ADGRB1: variants seen among roughly 807,000 people sequenced by gnomAD.
ADGRB1 encodes the protein brain-specific angiogenesis inhibitor 1.
In ADGRB1, 36 loss-of-function variants were observed where a neutral mutation model predicts 175.7. The observed-to-expected ratio is 0.20, with a 90% confidence interval of 0.16 to 0.27. ADGRB1 has a LOEUF of 0.27. ADGRB1 is among the 10% of genes least tolerant of loss of function. The pLI is 1.00. For missense variants in ADGRB1, 1,731 were observed against 2,255.3 expected (o/e 0.77, Z 4.71); for synonymous variants, 1,054 against 979.4 (o/e 1.08, Z -1.42).
In ADGRB1 at chr8:142,542,102, G is replaced by A. The variant is rs896494834; in HGVS notation, c.3868G>A (p.Gly1290Ser). 7 of 1,613,282 alleles carry A rather than the reference G, an allele frequency of 4.3e-6. No homozygotes were observed. Among genetic ancestry groups the A allele is most frequent in the Non-Finnish European group, 5.9e-6 (7 of 1,179,836 alleles). ...PANVSKLHLHGSPRYPGGPLP... is the reference protein window; with the variant it reads ...PANVSKLHLHSSPRYPGGPLP... ...CAACGTGTCCAAGCTGCACCTGCAC[G>A]GCTCACCCCGCTATCCCGGCGGGCC... The change falls in exon 28 of 31, where the codon GGC (glycine) becomes AGC (serine). Residue 1290 changes from glycine to serine, a missense_variant. By Grantham distance (56) the Gly-to-Ser change is moderately conservative. Around this residue, in one of 8 missense-constraint regions of ADGRB1, gnomAD observed 394 missense variants for 410.2 expected, o/e 0.96. Coordinates refer to ENST00000517894, the MANE Select transcript of ADGRB1 (RefSeq NM_001702.3). The surrounding 1 kb of genome is among the most constrained non-coding windows in gnomAD (Gnocchi z 6.3).
At chr8:142,457,257 G>A (rs1052924310) in intron 1 of ADGRB1, among the ~76,000 whole-genome samples, 1 of 152,206 alleles carries the variant, frequency 6.6e-6, no homozygotes, top group African/African-American at 2.4e-5. Context: ...CTGTATCCAC[G>A]TCTGGGGAAC....
chr8:142,504,289 G>T lies in ADGRB1; in HGVS notation c.2676-6643G>T, dbSNP rs35760050. 6.6e-6 allele frequency among the ~76,000 whole-genome samples: 1 copy of T among 152,144 alleles called. No individual in the cohort carries two copies. The highest frequency in any genetic ancestry group is 2.4e-5 in the African/African-American group (1 of 41,432). On this transcript the variant is annotated intron_variant, in intron 17 of 30. Coordinates refer to ENST00000517894, the MANE Select transcript of ADGRB1 (RefSeq NM_001702.3). This position sits in a 1 kb window ranked among gnomAD's most constrained non-coding sequence, Gnocchi z 5.6. ...GGCAGTGGCTCCAGGAGCCCTGGAG[G>T]GGGAGGCTAATCACACAGGATGCGG...
At chr8:142,485,213 C>T (rs1047355316) in intron 13 of ADGRB1, among the ~76,000 whole-genome samples, 2 of 152,316 alleles carry the variant, frequency 1.3e-5, no homozygotes, top group Non-Finnish European at 2.9e-5. Context: ...GAGATGATAA[C>T]GGTGCCCATC....
rs929141669 is a variant in ADGRB1 at position 142,533,012 on chromosome 8, C to T, written c.3399-283C>T. ...CTGGGACCTCAGTGTTGACGGTGGG[C>T]TCCTCCCCAGCCTGGGGCAAGGGCT... On this transcript the variant is annotated intron_variant, in intron 24 of 30. Coordinates refer to ENST00000517894, the MANE Select transcript of ADGRB1 (RefSeq NM_001702.3). Among the ~76,000 whole-genome samples, 11 of 152,110 alleles carry T rather than the reference C, an allele frequency of 7.2e-5. No homozygotes were observed. The East Asian group carries it at 1.9e-3, about 27-fold the overall frequency.
rs559977107 is a variant in ADGRB1, at chr8:142,529,554, A to G, written c.3398+2927A>G. 4.2e-4 allele frequency among the ~76,000 whole-genome samples: 64 copies of G among 151,818 alleles called. 2 individuals are homozygous for G. Among genetic ancestry groups the G allele is most frequent in the Admixed American group, 4.0e-3 (61 of 15,264 alleles). On this transcript the variant is annotated intron_variant, in intron 24 of 30. Transcript: ENST00000517894. ...CCTTGATGTGTGCAAGCATGCATCTATGTGTGTGAGTGCAACCCACTGTGC... is the reference window on the plus strand; with the variant it reads ...CCTTGATGTGTGCAAGCATGCATCTGTGTGTGTGAGTGCAACCCACTGTGC...
At chr8:142,480,966 G>A (rs757355367) in intron 9 of ADGRB1, among the ~76,000 whole-genome samples, 2 of 119,394 alleles carry the variant, frequency 1.7e-5, no homozygotes, top group Non-Finnish European at 3.7e-5. Context: ...GGTCATGGCT[G>A]AACTCTGAAG....
rs1311836334 is a variant in ADGRB1 at position 142,465,042 on chromosome 8, A to AGACAGGGGAGGCGGGCG, written c.784+63_784+79dup. On this transcript the variant is annotated intron_variant, in intron 2 of 30. Coordinates refer to ENST00000517894, the MANE Select transcript of ADGRB1 (RefSeq NM_001702.3). ...AGGTGGGCAGACAGGGGAGGCGGGCAGACAGGGGAGGCGGGCGGATGGGGG... is the reference window on the plus strand; with the variant it reads ...AGGTGGGCAGACAGGGGAGGCGGGCAGACAGGGGAGGCGGGCGGACAGGGGAGGCGGGCGGATGGGGG... 2.4e-5 allele frequency: 16 copies of AGACAGGGGAGGCGGGCG among 657,602 alleles called. No homozygotes were observed. In the African/African-American group the frequency reaches 3.9e-4, roughly 16 times the overall value. The allele number at this position is 657,602 out of a possible 1,614,324, so 40.7% of individuals were successfully genotyped here. A position where few individuals can be genotyped will look rare whatever the true frequency, so the allele number is the denominator to read the frequency against.
In ADGRB1 at chr8:142,484,650, C is replaced by G; in HGVS notation, c.2200-6C>G. ...TCCCTCGGCTGCTCACCCCCCTGCC[C>G]TCCAGGCGGGCCCCAACGCCAAGGA... On this transcript the variant is annotated splice_polypyrimidine_tract_variant and splice_region_variant and intron_variant, in intron 12 of 30. Transcript: ENST00000517894. The G allele has an allele frequency of 1.2e-6, 2 of 1,606,460 alleles. No individual in the cohort carries two copies. The highest frequency in any genetic ancestry group is 2.7e-5 in the African/African-American group (2 of 74,972).
In ADGRB1 at chr8:142,536,986, G is replaced by A; in HGVS notation, c.3571-1G>A. On this transcript the variant is annotated splice_acceptor_variant, in intron 25 of 30. Transcript: ENST00000517894. LOFTEE classifies it high-confidence loss of function. ...TGAGGTGCTCGGCTCTCCCTCCCCA[G>A]GTCCAGGACGCTGTGAAATGCCGTG... The A allele has an allele frequency of 6.3e-7, 1 of 1,583,988 alleles. No homozygotes were observed.
chr8:142,469,168 T>C (rs531334843), intron 2 of ADGRB1, among the ~76,000 whole-genome samples: 21 of 148,598 alleles, frequency 1.4e-4, no homozygotes, highest in South Asian at 2.1e-4. Context: ...TGTGTGTGTG[T>C]GTGCATGTGT....
rs974803416 is a variant in ADGRB1, at chr8:142,464,638, G to A, written c.440G>A (p.Arg147His). 4.1e-5 allele frequency: 62 copies of A among 1,519,374 alleles called. No homozygotes were observed. Among genetic ancestry groups the A allele is most frequent in the Non-Finnish European group, 5.0e-5 (57 of 1,138,736 alleles). The allele number at this position is 1,519,374 out of a possible 1,614,324, so 94.1% of individuals were successfully genotyped here. Residue 147 changes from arginine (R) to histidine (H), a missense_variant, in exon 2 of 31, where the codon CGC (arginine) becomes CAC (histidine). By Grantham distance (29) the Arg-to-His change is conservative. This residue lies in a region of ADGRB1 where 383 missense variants were observed against 383.1 expected (regional missense o/e 1.00). Transcript: ENST00000517894. ...QASKQFLQMR[R>H]QQPPQHDGLR... is the part of the protein sequence containing the mutation. Reference sequence around the variant, plus strand: ...AGCAAGCAGTTCCTGCAGATGCGGCGCCAGCAGCCGCCCCAGCACGACGGG... The same window carrying A: ...AGCAAGCAGTTCCTGCAGATGCGGCACCAGCAGCCGCCCCAGCACGACGGG...
In ADGRB1 at chr8:142,492,022, G is replaced by A. The variant is rs1397626918; in HGVS notation, c.2675+1207G>A. 6.6e-6 allele frequency among the ~76,000 whole-genome samples: 1 copy of A among 151,986 alleles called. No homozygotes were observed. Among genetic ancestry groups the A allele is most frequent in the Non-Finnish European group, 1.5e-5 (1 of 67,972 alleles). On this transcript the variant is annotated intron_variant, in intron 17 of 30. Transcript: ENST00000517894. The surrounding 1 kb of genome is among the most constrained non-coding windows in gnomAD (Gnocchi z 4.4). ...GGCTCAGGGGAGGCCGCGGCAGGGT[G>A]AGGACAGTTAGTGGGGGCTGGGTGT...
rs941760709 is a variant in ADGRB1 at position 142,504,255 on chromosome 8, C to A, written c.2676-6677C>A. 1.5e-4 allele frequency among the ~76,000 whole-genome samples: 23 copies of A among 151,940 alleles called. No homozygotes were observed. Among genetic ancestry groups the A allele is most frequent in the Non-Finnish European group, 1.9e-4 (13 of 67,952 alleles). ...CATGGAGTGGGAGTCAAGGAGGCTTCTTAGGGGAGGCAGTGGCTCCAGGAG... is the reference window on the plus strand; with the variant it reads ...CATGGAGTGGGAGTCAAGGAGGCTTATTAGGGGAGGCAGTGGCTCCAGGAG... On this transcript the variant is annotated intron_variant, in intron 17 of 30. Transcript: ENST00000517894. The surrounding 1 kb of genome is among the most constrained non-coding windows in gnomAD (Gnocchi z 5.6).
At chr8:142,497,063 G>A (rs909280882) in intron 17 of ADGRB1, among the ~76,000 whole-genome samples, 1 of 152,242 alleles carries the variant, frequency 6.6e-6, no homozygotes, top group Non-Finnish European at 1.5e-5. Flanking sequence ...CACCATGAGA[G>A]CTGCCTCACT....
chr8:142,522,805 C>T (rs1027448039), intron 22 of ADGRB1, 95 bp downstream of exon 22: 12 of 1,267,716 alleles, frequency 9.5e-6, no homozygotes, highest in African/African-American at 6.3e-5. Context: ...GCCCTCCCCC[C>T]GTGTGACCCT....
chr8:142,466,783 G>T (rs535208150), intron 2 of ADGRB1, among the ~76,000 whole-genome samples: 18 of 152,142 alleles, frequency 1.2e-4, no homozygotes, highest in Non-Finnish European at 8.8e-5. Flanking sequence ...GGAGGTGGGA[G>T]GCTGCAGGAG....
chr8:142,460,118 C>T (rs1029818108), intron 1 of ADGRB1, among the ~76,000 whole-genome samples: 3 of 152,266 alleles, frequency 2.0e-5, no homozygotes, highest in Admixed American at 6.5e-5. Context: ...TGGTCACCCC[C>T]GGCCTTGGCC....
intron 19 of ADGRB1, among the ~76,000 whole-genome samples, chr8:142,518,895 G>A (rs1843601752): frequency 6.6e-6 from 1 of 152,246 alleles, no homozygotes; most frequent in Admixed American, 6.5e-5. Flanking sequence ...AACGTGTCCA[G>A]AGGACACGTG....
chr8:142,500,060 A>G (rs1234126688), intron 17 of ADGRB1, among the ~76,000 whole-genome samples: 1 of 152,048 alleles, frequency 6.6e-6, no homozygotes, highest in African/African-American at 2.4e-5. Flanking sequence ...AGCCTCCCTC[A>G]GCACGGACAG....
Sources: gnomAD v4.1 joint callset for allele counts (sites outside exome capture counted in the v4.1 genomes callset) on GRCh38, gnomAD v4.1.1 for gene constraint, gnomAD v4.1.1 regional missense constraint, Gnocchi (gnomAD v3.1) non-coding constraint, MANE v1.5 for transcripts, NCBI Gene and HGNC (gene_info 2026-07-23, HGNC 2026-07-21) for gene names.